MAN1C1: variants seen among roughly 807,000 people sequenced by gnomAD.
MAN1C1 encodes mannosidase alpha class 1C member 1.
In MAN1C1, 49 loss-of-function variants were observed where a neutral mutation model predicts 71.5. That is an observed-to-expected ratio of 0.69 (90% confidence interval 0.54 to 0.87). MAN1C1 has a LOEUF of 0.87. MAN1C1 is among the 40% of genes least tolerant of loss of function. The probability of loss-of-function intolerance (pLI) is 0.00; values close to 1 mark genes in which losing one functional copy is unlikely to be tolerated. For synonymous variants in MAN1C1, 352 were observed against 343.7 expected, an observed-to-expected ratio of 1.02 and a Z score of -0.27; for missense variants, 743 against 835.0, an observed-to-expected ratio of 0.89 and a Z score of 1.36.
chr1:25,731,694 G>A (rs2046911803), intron 2 of MAN1C1, among the ~76,000 whole-genome samples: 1 of 152,004 alleles, frequency 6.6e-6, no homozygotes, highest in South Asian at 2.1e-4. Context: ...GCTTCTGTGA[G>A]GTTCTGGAAG....
intron 1 of MAN1C1, among the ~76,000 whole-genome samples, chr1:25,685,564 T>C (rs1035491676): frequency 6.6e-6 from 1 of 152,214 alleles, no homozygotes; most frequent in Non-Finnish European, 1.5e-5. Flanking sequence ...CTGAAGGTCC[T>C]GGGGCAGCTG....
At chr1:25,685,920 C>A (rs972544546) in intron 1 of MAN1C1, among the ~76,000 whole-genome samples, 1 of 152,178 alleles carries the variant, frequency 6.6e-6, no homozygotes, top group Non-Finnish European at 1.5e-5. Flanking sequence ...GGGGACAGAC[C>A]TAAGGCTTTG....
intron 1 of MAN1C1, among the ~76,000 whole-genome samples, chr1:25,642,745 A>T (rs2045554479): frequency 6.6e-6 from 1 of 152,226 alleles, no homozygotes; most frequent in African/African-American, 2.4e-5. Flanking sequence ...AAGAGCATTC[A>T]TAGAGAGTCA....
chr1:25,652,190 G>C (rs2045702127), intron 1 of MAN1C1, among the ~76,000 whole-genome samples: 1 of 152,254 alleles, frequency 6.6e-6, no homozygotes, highest in Admixed American at 6.5e-5. Context: ...CCTTCCTGCT[G>C]CCGCATGTCA....
chr1:25,679,865 C>CT (rs71014381), intron 1 of MAN1C1, among the ~76,000 whole-genome samples: 31,673 of 140,658 alleles, frequency 0.23, 5,817 homozygotes, highest in African/African-American at 0.51. Flanking sequence ...TTTTCTTTTT[C>CT]TTTTTTTTCT....
At chr1:25,697,661 C>G (rs1213358855) in intron 2 of MAN1C1, among the ~76,000 whole-genome samples, 1 of 152,162 alleles carries the variant, frequency 6.6e-6, no homozygotes, top group African/African-American at 2.4e-5. Flanking sequence ...ATTTTAAATT[C>G]CCACCAGGGG....
At chr1:25,766,040 G>C (rs2047422195) in intron 7 of MAN1C1, among the ~76,000 whole-genome samples, 1 of 152,142 alleles carries the variant, frequency 6.6e-6, no homozygotes, top group South Asian at 2.1e-4. Flanking sequence ...GCTGCTCCAG[G>C]GCAAGGCAGC....
rs1478244248 is a variant in MAN1C1 at position 25,618,138 on chromosome 1, C to G, written c.341C>G (p.Pro114Arg). ...AAAGGGGGGCTGCGGCGCACCCGCC[C>G]CACTGGACCCCGCGAGGAGGCCACG... ...RRKGGLRRTR[P>R]TGPREEATAA... Residue 114 changes from proline (P) to arginine (R), a missense_variant, in exon 1 of 12, where the codon CCC (proline) becomes CGC (arginine). Transcript: ENST00000374332. 3 of 1,533,002 alleles carry G rather than the reference C, an allele frequency of 2.0e-6. No homozygotes were observed. The highest frequency in any genetic ancestry group is 2.6e-6 in the Non-Finnish European group (3 of 1,146,506). The allele number at this position is 1,533,002 out of a possible 1,614,324, so 95.0% of individuals were successfully genotyped here. A position where few individuals can be genotyped will look rare whatever the true frequency, so the allele number is the denominator to read the frequency against.
At chr1:25,679,676 T>G (rs1359770245) in intron 1 of MAN1C1, among the ~76,000 whole-genome samples, 1 of 151,974 alleles carries the variant, frequency 6.6e-6, no homozygotes, top group Admixed American at 6.6e-5. Context: ...CCCTGTTTGC[T>G]TTCTCTCTCT....
In MAN1C1 at chr1:25,783,914, G is replaced by A. The variant is rs548439641; in HGVS notation, c.*125G>A. On this transcript the variant is annotated 3_prime_UTR_variant, in exon 12 of 12. Transcript: ENST00000374332. ...CGGGCAGACCCCCAGCAGATGTGTC[G>A]GACAAGCAACTTCTTTTCCTCTGTG... 22 of 1,286,834 alleles carry A rather than the reference G, an allele frequency of 1.7e-5. No homozygotes were observed. Among genetic ancestry groups the A allele is most frequent in the East Asian group, 7.7e-5 (3 of 39,028 alleles). 79.7% of individuals were successfully genotyped at this position (1,286,834 alleles called of 1,614,324 possible). A position where few individuals can be genotyped will look rare whatever the true frequency, so the allele number is the denominator to read the frequency against.
At chr1:25,771,892 G>T in intron 8 of MAN1C1, 120 bp downstream of exon 8, 1 of 709,452 alleles carries the variant, frequency 1.4e-6, no homozygotes, top group Non-Finnish European at 2.5e-6. Flanking sequence ...CCCACCCCCT[G>T]CAATGAACCG....
chr1:25,627,848 C>G (rs990994083), intron 1 of MAN1C1, among the ~76,000 whole-genome samples: 6 of 138,194 alleles, frequency 4.3e-5, no homozygotes, highest in South Asian at 4.6e-4. Context: ...GCCTGGGCAA[C>G]ATGGCAAAAC....
At chr1:25,628,401 G>A (rs1338627096) in intron 1 of MAN1C1, among the ~76,000 whole-genome samples, 2 of 151,964 alleles carry the variant, frequency 1.3e-5, no homozygotes, top group Admixed American at 6.6e-5. Flanking sequence ...TCCGCCTCCC[G>A]GGTTCAAGCA....
intron 2 of MAN1C1, among the ~76,000 whole-genome samples, chr1:25,705,022 G>A (rs1326608978): frequency 6.6e-6 from 1 of 152,340 alleles, no homozygotes; most frequent in East Asian, 1.9e-4. Flanking sequence ...GAGTGATAAA[G>A]TTTGAACAAA....
chr1:25,781,407 G>T, intron 10 of MAN1C1: 1 of 334,824 alleles, frequency 3.0e-6, no homozygotes, highest in Non-Finnish European at 5.6e-6. Context: ...CTAGGCAGCT[G>T]CCTAGAGCAC....
At position 25,783,781 on chromosome 1, in the gene MAN1C1, A is replaced by T; in HGVS notation, c.1885A>T (p.Arg629Ter). ...AGACAGCTCCGGCAGAGCCTGGGGC[A>T]GACACTGACCCCATCTCCTGCCGCC... ...HSDSSGRAWGRH is the reference protein window; with the variant it reads ...HSDSSGRAWG Residue 629 changes from arginine to a stop codon, truncating the protein, a stop_gained, in exon 12 of 12, where the codon AGA becomes TGA. Coordinates refer to ENST00000374332, the MANE Select transcript of MAN1C1 (RefSeq NM_020379.4). LOFTEE classifies it high-confidence loss of function. 1 of 1,610,978 alleles carries T rather than the reference A, an allele frequency of 6.2e-7. No individual in the cohort carries two copies. Among genetic ancestry groups the T allele is most frequent in the Non-Finnish European group, 8.5e-7 (1 of 1,179,940 alleles).
intron 2 of MAN1C1, among the ~76,000 whole-genome samples, chr1:25,716,499 G>T (rs2046683354): frequency 6.6e-6 from 1 of 152,148 alleles, no homozygotes; most frequent in Non-Finnish European, 1.5e-5. Flanking sequence ...AATTGTTTTT[G>T]TGTTTTTAGT....
intron 8 of MAN1C1, among the ~76,000 whole-genome samples, chr1:25,772,565 A>T (rs1384740891): frequency 6.6e-6 from 1 of 152,114 alleles, no homozygotes; most frequent in Non-Finnish European, 1.5e-5. Flanking sequence ...CCCATAAAGC[A>T]AGTTGAGCAA....
At position 25,764,334 on chromosome 1, in the gene MAN1C1, C is replaced by T. The variant is rs1349478819; in HGVS notation, c.1141+367C>T. ...AGGGTCCCAGGTGGAGTCATCCATTCTAGAAGTGGCTCCAAGAGAGGCCAG... is the reference window on the plus strand; with the variant it reads ...AGGGTCCCAGGTGGAGTCATCCATTTTAGAAGTGGCTCCAAGAGAGGCCAG... On this transcript the variant is annotated intron_variant, in intron 7 of 11. Transcript: ENST00000374332. This position sits in a 1 kb window ranked among gnomAD's most constrained non-coding sequence, Gnocchi z 4.4. Among the ~76,000 whole-genome samples, 1 of 152,192 alleles carries T rather than the reference C, an allele frequency of 6.6e-6. No individual in the cohort carries two copies. The highest frequency in any genetic ancestry group is 1.5e-5 in the Non-Finnish European group (1 of 68,036).
Sources: gnomAD v4.1 joint callset for allele counts (sites outside exome capture counted in the v4.1 genomes callset) on GRCh38, gnomAD v4.1.1 for gene constraint, Gnocchi (gnomAD v3.1) non-coding constraint, MANE v1.5 for transcripts, NCBI Gene and HGNC (gene_info 2026-07-23, HGNC 2026-07-21) for gene names.